The following EXT1 variants were observed in gnomAD, a reference collection of about 807,000 sequenced individuals.
EXT1 encodes the protein exostosin glycosyltransferase 1.
In EXT1, 20 loss-of-function variants were observed where a neutral mutation model predicts 82.5. The observed-to-expected ratio is 0.24, with a 90% CI of 0.17 to 0.35. The LOEUF (loss-of-function observed/expected upper bound fraction) is 0.35, where lower values mean the gene tolerates loss of function less well. Among genes scored for constraint, EXT1 ranks in the 10% least tolerant of loss-of-function variants. The pLI, the probability that EXT1 is intolerant of heterozygous loss-of-function variation, is 1.00. For missense variants in EXT1, 757 were observed against 936.5 expected (o/e 0.81, Z 2.50); for synonymous variants, 348 against 350.8 (o/e 0.99, Z 0.09).
intron 1 of EXT1, among the ~76,000 whole-genome samples, chr8:118,013,814 T>A (rs1370661041): frequency 6.6e-6 from 1 of 152,252 alleles, no homozygotes; most frequent in African/African-American, 2.4e-5. Context: ...GATATACTTA[T>A]ACTAGTCATT....
At chr8:117,977,937 TA>T (rs1815103407) in intron 1 of EXT1, among the ~76,000 whole-genome samples, 1 of 152,206 alleles carries the variant, frequency 6.6e-6, no homozygotes, top group South Asian at 2.1e-4. Context: ...AACAAAAATG[TA>T]AATAAGGAAA....
chr8:117,901,851 C>T (rs1032018984), intron 1 of EXT1, among the ~76,000 whole-genome samples: 1 of 152,036 alleles, frequency 6.6e-6, no homozygotes, highest in African/African-American at 2.4e-5. Flanking sequence ...TATGCACCAC[C>T]ACACCTGGCT....
intron 1 of EXT1, among the ~76,000 whole-genome samples, chr8:117,941,925 G>A (rs764179532): frequency 2.0e-5 from 3 of 152,162 alleles, no homozygotes; most frequent in Non-Finnish European, 4.4e-5. Context: ...CACTGCCTGT[G>A]CTAATGCTAC....
At chr8:118,090,868 G>T (rs1466091424) in intron 1 of EXT1, among the ~76,000 whole-genome samples, 1 of 144,644 alleles carries the variant, frequency 6.9e-6, no homozygotes, top group Admixed American at 7.0e-5. Context: ...GTATACACAG[G>T]TTTATACTAA....
intron 1 of EXT1, among the ~76,000 whole-genome samples, chr8:118,095,107 G>C (rs187907296): frequency 1.7e-3 from 261 of 152,126 alleles, no homozygotes; most frequent in Non-Finnish European, 3.1e-3. Context: ...GCCCAAAGAG[G>C]TTCAAACCTC....
chr8:117,849,253 T>A (rs1283250635), intron 1 of EXT1, among the ~76,000 whole-genome samples: 7 of 152,202 alleles, frequency 4.6e-5, no homozygotes, highest in Admixed American at 1.3e-4. Flanking sequence ...TTTACCAAGG[T>A]CAGAATTCAC....
chr8:117,931,917 CAAGCTT>C (rs1247633968), intron 1 of EXT1, among the ~76,000 whole-genome samples: 1 of 152,166 alleles, frequency 6.6e-6, no homozygotes, highest in Non-Finnish European at 1.5e-5. Context: ...CAGTGAGTCT[CAAGCTT>C]AAGTAATTAT....
Position 117,835,256 on chromosome 8 carries a change from C to T in EXT1, c.1164+188G>A, listed in dbSNP as rs138970930. Among the ~76,000 whole-genome samples the T allele has an allele frequency of 3.1e-3, 465 of 152,256 alleles. 3 individuals are homozygous for T. Among genetic ancestry groups the T allele is most frequent in the African/African-American group, 0.011 (442 of 41,546 alleles). On this transcript the variant is annotated intron_variant, in intron 3 of 10. Transcript: ENST00000378204. ...TCTTTTCAGAATATATTCTGGGGAC[C>T]TGGGGAGATTTTGTTGGAAAGTGAA...
chr8:117,995,620 A>G (rs898475355), intron 1 of EXT1, among the ~76,000 whole-genome samples: 1 of 152,164 alleles, frequency 6.6e-6, no homozygotes, highest in African/African-American at 2.4e-5. Context: ...GTGTAGGCTT[A>G]ACTTTTTGCC....
At chr8:117,827,654 C>T (rs1416863328) in intron 4 of EXT1, among the ~76,000 whole-genome samples, 2 of 151,462 alleles carry the variant, frequency 1.3e-5, no homozygotes, top group African/African-American at 2.4e-5. Flanking sequence ...ATCTCCATGG[C>T]GCATGCTTGT....
At chr8:117,902,182 T>A (rs191505366) in intron 1 of EXT1, among the ~76,000 whole-genome samples, 1 of 152,026 alleles carries the variant, frequency 6.6e-6, no homozygotes, top group East Asian at 1.9e-4. Context: ...GGAGCTGTCA[T>A]CTCCTATGAC....
intron 1 of EXT1, among the ~76,000 whole-genome samples, chr8:118,098,628 G>A (rs1054092329): frequency 4.6e-5 from 7 of 151,902 alleles, no homozygotes; most frequent in Admixed American, 2.0e-4. Context: ...GCATGGTGGC[G>A]GGTGCCTGTA....
Position 118,062,884 on chromosome 8 carries a change from C to G in EXT1, c.962+47201G>C, listed in dbSNP as rs17505821. On this transcript the variant is annotated intron_variant, in intron 1 of 10. Coordinates refer to ENST00000378204, the MANE Select transcript of EXT1 (RefSeq NM_000127.3). ...TGTTTAATGTGTCTTTGCTACTCAT[C>G]CTTCCCTTCATTTCCCTCAAACACC... Among the ~76,000 whole-genome samples the G allele has an allele frequency of 2.4e-3, 370 of 152,312 alleles. 2 individuals are homozygous for G. Among genetic ancestry groups the G allele is most frequent in the African/African-American group, 8.5e-3 (353 of 41,568 alleles).
intron 1 of EXT1, among the ~76,000 whole-genome samples, chr8:117,935,007 G>T (rs76585256): frequency 0.011 from 1,609 of 152,260 alleles, 31 homozygotes; most frequent in African/African-American, 0.036. Context: ...GAAAGCATGT[G>T]AGCTTTCTTA....
At chr8:118,097,514 G>T (rs1390433111) in intron 1 of EXT1, among the ~76,000 whole-genome samples, 1 of 152,158 alleles carries the variant, frequency 6.6e-6, no homozygotes, top group East Asian at 1.9e-4. Flanking sequence ...GGCCTGGACT[G>T]GGGCCTGGCT....
chr8:117,803,366 T>G (rs1419792878), intron 10 of EXT1, among the ~76,000 whole-genome samples: 2 of 152,028 alleles, frequency 1.3e-5, no homozygotes, highest in African/African-American at 4.8e-5. Flanking sequence ...CAGCTAATTT[T>G]TTGTATTTTT....
chr8:118,005,733 C>T (rs10111055), intron 1 of EXT1, among the ~76,000 whole-genome samples: 4,765 of 152,250 alleles, frequency 0.031, 276 homozygotes, highest in African/African-American at 0.11. Flanking sequence ...TTTTCTTCTA[C>T]GTCACATGTA....
At chr8:117,916,112 T>C (rs1305959297) in intron 1 of EXT1, among the ~76,000 whole-genome samples, 2 of 152,178 alleles carry the variant, frequency 1.3e-5, no homozygotes, top group South Asian at 2.1e-4. Flanking sequence ...TGATACTATA[T>C]CTTGACACAG....
intron 7 of EXT1, among the ~76,000 whole-genome samples, chr8:117,817,428 AGTTT>A (rs1418715207): frequency 6.6e-6 from 1 of 152,094 alleles, no homozygotes; most frequent in Non-Finnish European, 1.5e-5. Context: ...TGACAAGGAA[AGTTT>A]TTTAGATGGC....
Sources: gnomAD v4.1 joint callset for allele counts (sites outside exome capture counted in the v4.1 genomes callset) on GRCh38, gnomAD v4.1.1 for gene constraint, MANE v1.5 for transcripts, NCBI Gene and HGNC (gene_info 2026-07-23, HGNC 2026-07-21) for gene names.